The following JARID2 variants were observed in gnomAD, a reference collection of about 807,000 sequenced individuals.
JARID2 encodes jumonji and AT-rich interaction domain containing 2.
In JARID2, 21 loss-of-function variants were observed where a neutral mutation model predicts 125.6. The ratio of observed to expected loss-of-function variants is 0.17; its 90% CI spans 0.12 to 0.24. The LOEUF (loss-of-function observed/expected upper bound fraction) is 0.24. JARID2 is among the 10% of genes least tolerant of loss of function. JARID2 has a pLI of 1.00. For synonymous variants in JARID2, 736 were observed against 661.6 expected (o/e 1.11, Z -1.73); for missense variants, 1,303 against 1,639.6 (o/e 0.79, Z 3.55).
intron 2 of JARID2, among the ~76,000 whole-genome samples, chr6:15,403,913 G>T (rs1475040178): frequency 6.6e-6 from 1 of 152,132 alleles, no homozygotes; most frequent in Non-Finnish European, 1.5e-5. Flanking sequence ...GTGATGGGTG[G>T]GGGTGTTTTT....
At chr6:15,503,473 A>G (rs11966626) in intron 8 of JARID2, among the ~76,000 whole-genome samples, 38,189 of 151,826 alleles carry the variant, frequency 0.25, 4,867 homozygotes, top group Middle Eastern at 0.36. Context: ...TTGTGGCCCT[A>G]TCACTTCTAG....
chr6:15,487,827 G>T (rs952852924), intron 6 of JARID2, among the ~76,000 whole-genome samples: 3 of 119,858 alleles, frequency 2.5e-5, no homozygotes, highest in African/African-American at 3.1e-5. Flanking sequence ...CCCACCCTGG[G>T]CTCCAGATGA....
At position 15,495,659 on chromosome 6, in the gene JARID2, AC is replaced by A. The variant is rs1389740917; in HGVS notation, c.907-472del. ...GGCAGGTCATGCTGCTATGTGGAGC[AC>A]AGAAATAGCAGACATGACTTTTCTT... On this transcript the variant is annotated intron_variant, in intron 6 of 17. Coordinates refer to ENST00000341776, the MANE Select transcript of JARID2 (RefSeq NM_004973.4). Among the ~76,000 whole-genome samples the A allele has an allele frequency of 3.3e-5, 5 of 152,190 alleles. No homozygotes were observed. The East Asian group carries it at 9.6e-4, about 29-fold the overall frequency.
At chr6:15,491,180 C>T (rs1202411603) in intron 6 of JARID2, among the ~76,000 whole-genome samples, 2 of 152,218 alleles carry the variant, frequency 1.3e-5, no homozygotes, top group African/African-American at 4.8e-5. Flanking sequence ...AGGTTTTCTT[C>T]TCATGACATT....
rs558929907 is a variant in JARID2 at position 15,478,965 on chromosome 6, G to A, written c.671-8342G>A. On this transcript the variant is annotated intron_variant, in intron 5 of 17. Coordinates refer to ENST00000341776, the MANE Select transcript of JARID2 (RefSeq NM_004973.4). ...CAGGTGTGAGCCACCGTGCCCGGCC[G>A]GATTTAGGGTTTTATGAAACCCAAA... Among the ~76,000 whole-genome samples the A allele has an allele frequency of 1.6e-3, 240 of 152,222 alleles. 1 individual carries two copies. The highest frequency in any genetic ancestry group is 5.6e-3 in the African/African-American group (232 of 41,536).
At chr6:15,358,072 T>C (rs542586856) in intron 1 of JARID2, among the ~76,000 whole-genome samples, 1 of 152,340 alleles carries the variant, frequency 6.6e-6, no homozygotes, top group East Asian at 1.9e-4. Context: ...CTGGGGCGTG[T>C]CTGCTGTGTT....
At chr6:15,418,287 G>A (rs974542388) in intron 3 of JARID2, among the ~76,000 whole-genome samples, 6 of 141,042 alleles carry the variant, frequency 4.3e-5, no homozygotes, top group South Asian at 2.2e-4. Flanking sequence ...GCATGATCTC[G>A]TCTCACTGCA....
chr6:15,444,356 AG>A (rs1767574185), intron 3 of JARID2, among the ~76,000 whole-genome samples: 1 of 152,176 alleles, frequency 6.6e-6, no homozygotes, highest in Admixed American at 6.5e-5. Flanking sequence ...GGTTCACTTG[AG>A]GATGTGTTTA....
chr6:15,426,129 T>TG (rs1229281915), intron 3 of JARID2, among the ~76,000 whole-genome samples: 1 of 152,032 alleles, frequency 6.6e-6, no homozygotes, highest in African/African-American at 2.4e-5. Flanking sequence ...CAGTTTGCCT[T>TG]GGGAGGGGAC....
Position 15,381,387 on chromosome 6 carries a change from G to A in JARID2, c.181+7135G>A, listed in dbSNP as rs185644984. Among the ~76,000 whole-genome samples, 363 of 148,094 alleles carry A rather than the reference G, an allele frequency of 2.5e-3. 2 individuals carry two copies. The highest frequency in any genetic ancestry group is 3.0e-3 in the Non-Finnish European group (203 of 67,320). ...AAGTGGCTTATGCTTCAGCTTTACC[G>A]AAGTGTTGATGTCTGTGTGCTAGTC... On this transcript the variant is annotated intron_variant, in intron 2 of 17. Transcript: ENST00000341776.
chr6:15,397,462 G>A (rs895540653), intron 2 of JARID2, among the ~76,000 whole-genome samples: 14 of 152,118 alleles, frequency 9.2e-5, no homozygotes, highest in African/African-American at 2.4e-4. Context: ...TATTAATAGC[G>A]TGGTACTGAA....
chr6:15,251,315 C>G, intron 1 of JARID2, among the ~76,000 whole-genome samples: 1 of 152,210 alleles, frequency 6.6e-6, no homozygotes, highest in Non-Finnish European at 1.5e-5. Flanking sequence ...TGCACCCAGC[C>G]AGCTGAACAT....
rs1250308213 is a variant in JARID2, at chr6:15,501,276, G to A, written c.2315G>A (p.Ser772Asn). 4 of 1,613,508 alleles carry A rather than the reference G, an allele frequency of 2.5e-6. No individual in the cohort carries two copies. Among genetic ancestry groups the A allele is most frequent in the East Asian group, 4.5e-5 (2 of 44,864 alleles). ...GTGGCCCCCAGGAACGGCTTCCGCAGCAAGCTCAAGGAGGTGGGCCAGGCC... is the reference window on the plus strand; with the variant it reads ...GTGGCCCCCAGGAACGGCTTCCGCAACAAGCTCAAGGAGGTGGGCCAGGCC... ...HGVAPRNGFR[S>N]KLKEVGQAQL... Residue 772 changes from serine to asparagine, a missense_variant, in exon 8 of 18, where the codon AGC (serine) becomes AAC (asparagine). Ser to Asn is a conservative substitution (Grantham distance 46, BLOSUM62 1). Around this residue, in one of 11 missense-constraint regions of JARID2, gnomAD observed 124 missense variants for 131.0 expected, o/e 0.95. Coordinates refer to ENST00000341776, the MANE Select transcript of JARID2 (RefSeq NM_004973.4).
chr6:15,293,199 C>T (rs950305865), intron 1 of JARID2, among the ~76,000 whole-genome samples: 9 of 152,160 alleles, frequency 5.9e-5, no homozygotes, highest in Admixed American at 5.9e-4. Context: ...ACCTCTACTT[C>T]CAATAATAGG....
chr6:15,373,104 G>C (rs1764231840), intron 1 of JARID2, among the ~76,000 whole-genome samples: 1 of 152,204 alleles, frequency 6.6e-6, no homozygotes, highest in Non-Finnish European at 1.5e-5. Context: ...CTACAGAAGA[G>C]AACCTCTCAA....
intron 1 of JARID2, among the ~76,000 whole-genome samples, chr6:15,307,697 G>T (rs773877652): frequency 9.2e-5 from 14 of 152,118 alleles, no homozygotes; most frequent in Non-Finnish European, 1.9e-4. Flanking sequence ...TCTGTGGGGA[G>T]AAATTTTGTA....
At chr6:15,345,919 G>A (rs1476651544) in intron 1 of JARID2, among the ~76,000 whole-genome samples, 1 of 152,160 alleles carries the variant, frequency 6.6e-6, no homozygotes, top group Non-Finnish European at 1.5e-5. Flanking sequence ...GCTTATCCAG[G>A]TTTGCAACTT....
In JARID2 at chr6:15,487,358, A is replaced by T. The variant is rs1306668275; in HGVS notation, c.722A>T (p.His241Leu). Residue 241 changes from histidine to leucine, a missense_variant, in exon 6 of 18, where the codon CAC becomes CTC. Physicochemically the swap from His to Leu is moderately conservative, Grantham distance 99 (BLOSUM62 -3). Coordinates refer to ENST00000341776, the MANE Select transcript of JARID2 (RefSeq NM_004973.4). ...STREKEPVQK[H>L]KSKEATPAKE... ...CGGGAGAAGGAACCTGTTCAAAAAC[A>T]CAAAAGCAAAGAGGCCACTCCCGCA... The T allele has an allele frequency of 1.9e-6, 3 of 1,614,238 alleles. No homozygotes were observed. The Admixed American group carries it at 5.0e-5, about 27-fold the overall frequency.
At chr6:15,498,722 C>A (rs532271871) in intron 7 of JARID2, among the ~76,000 whole-genome samples, 2 of 152,250 alleles carry the variant, frequency 1.3e-5, no homozygotes, top group South Asian at 4.1e-4. Context: ...GAGTGACAGT[C>A]ACCTTAACTT....
Sources: allele counts gnomAD v4.1 joint callset (sites outside exome capture counted in the v4.1 genomes callset), GRCh38; gene constraint gnomAD v4.1.1; regional missense constraint gnomAD v4.1.1; transcripts MANE v1.5; gene names NCBI Gene and HGNC (gene_info 2026-07-23, HGNC 2026-07-21).